Variants in LRIG2 observed in about 807,000 individuals in gnomAD.
LRIG2 encodes leucine rich repeats and immunoglobulin like domains 2, also known as leucine-rich repeats and immunoglobulin-like domains protein 2.
Under a neutral mutation model 107.8 loss-of-function variants are expected in LRIG2, and 93 were observed. The observed-to-expected ratio is 0.86, with a 90% confidence interval of 0.73 to 1.03. The LOEUF (loss-of-function observed/expected upper bound fraction) is 1.03, where lower values mean the gene tolerates loss of function less well. Ranked by LOEUF, LRIG2 falls within the 50% of genes least tolerant of loss-of-function variation. The pLI, the probability that LRIG2 is intolerant of heterozygous loss-of-function variation, is 0.00. For missense variants in LRIG2, 1,226 were observed against 1,296.0 expected (o/e 0.95, Z 0.83); for synonymous variants, 471 against 470.6 (o/e 1.00, Z -0.01).
rs1655642670 is a variant in LRIG2 at position 113,129,924 on chromosome 1, CCT to C, written c.*5824_*5825del. 6.6e-6 allele frequency: 1 copy of C among 152,052 alleles called. No individual in the cohort carries two copies. Among genetic ancestry groups the C allele is most frequent in the African/African-American group, 2.4e-5 (1 of 41,390 alleles). The allele number at this position is 152,052 out of a possible 1,614,324, so 9.4% of individuals were successfully genotyped here. A position where few individuals can be genotyped will look rare whatever the true frequency, so the allele number is the denominator to read the frequency against. ...TTTTTTTTTTGAGACAGGGTTTCAC[CCT>C]GTCAGCCAGGCTGGAGTGCAATGGT... On this transcript the variant is annotated 3_prime_UTR_variant, in exon 18 of 18. Coordinates refer to ENST00000361127, the MANE Select transcript of LRIG2 (RefSeq NM_014813.3).
At chr1:113,087,113 A>G (rs2101026351) in intron 1 of LRIG2, among the ~76,000 whole-genome samples, 1 of 152,330 alleles carries the variant, frequency 6.6e-6, no homozygotes, top group East Asian at 1.9e-4. Context: ...ACTGCATTTC[A>G]GCCTAGGCAA....
chr1:113,084,040 A>ATAATATTAT (rs539594494), intron 1 of LRIG2, among the ~76,000 whole-genome samples: 1 of 129,342 alleles, frequency 7.7e-6, no homozygotes, highest in Non-Finnish European at 1.7e-5. Flanking sequence ...AATAATAATA[A>ATAATATTAT]TATTGGCCTT....
At chr1:113,107,212 AC>A (rs1654576443) in intron 11 of LRIG2, among the ~76,000 whole-genome samples, 1 of 152,222 alleles carries the variant, frequency 6.6e-6, no homozygotes, top group South Asian at 2.1e-4. Context: ...CATCACCATT[AC>A]CACACCCAAA....
At chr1:113,107,842 A>G (rs1654603590) in intron 12 of LRIG2, 85 bp downstream of exon 12, 3 of 1,222,636 alleles carry the variant, frequency 2.5e-6, no homozygotes, top group African/African-American at 1.6e-5. Flanking sequence ...ATGGTTTTCC[A>G]CTAGGAATTT....
intron 15 of LRIG2, 36 bp downstream of exon 15, chr1:113,114,912 T>C: frequency 1.3e-6 from 2 of 1,497,812 alleles, no homozygotes; most frequent in Non-Finnish European, 1.8e-6. Context: ...TGGCTTGTAC[T>C]TCAGTCAAGA....
Position 113,099,151 on chromosome 1 carries a change from G to T in LRIG2, c.1172+366G>T, listed in dbSNP as rs112137239. 5.1e-3 allele frequency among the ~76,000 whole-genome samples: 780 copies of T among 151,860 alleles called. 10 individuals are homozygous for T. The highest frequency in any genetic ancestry group is 0.018 in the African/African-American group (732 of 41,398). On this transcript the variant is annotated intron_variant, in intron 9 of 17. Transcript: ENST00000361127. Reference sequence around the variant, plus strand: ...AGGGTTTCACCATCTTGGCCAGGCTGGTCTTGAACTCCTGACCTCGTGATC... The same window carrying T: ...AGGGTTTCACCATCTTGGCCAGGCTTGTCTTGAACTCCTGACCTCGTGATC...
intron 17 of LRIG2, among the ~76,000 whole-genome samples, chr1:113,122,348 A>G (rs553633939): frequency 5.9e-5 from 9 of 152,040 alleles, no homozygotes; most frequent in African/African-American, 2.2e-4. Flanking sequence ...CAGCCTCCCA[A>G]AGTGTTGGGA....
intron 2 of LRIG2, among the ~76,000 whole-genome samples, chr1:113,092,232 G>A (rs983820519): frequency 1.3e-5 from 2 of 152,184 alleles, no homozygotes; most frequent in South Asian, 4.1e-4. Flanking sequence ...TTTCCTGAAG[G>A]TCTTTACTTC....
chr1:113,121,260 A>C (rs1655241035), intron 17 of LRIG2, among the ~76,000 whole-genome samples: 1 of 152,238 alleles, frequency 6.6e-6, no homozygotes, highest in Non-Finnish European at 1.5e-5. Flanking sequence ...CCCCTGTCTC[A>C]CATGGCCCAG....
intron 1 of LRIG2, among the ~76,000 whole-genome samples, chr1:113,090,190 G>A (rs1653741279): frequency 6.6e-6 from 1 of 152,148 alleles, no homozygotes. Context: ...GTATTATTGA[G>A]TGAAAAAAGC....
At chr1:113,088,736 CTTAAA>C (rs1004487534) in intron 1 of LRIG2, among the ~76,000 whole-genome samples, 2 of 152,288 alleles carry the variant, frequency 1.3e-5, no homozygotes, top group Admixed American at 6.5e-5. Flanking sequence ...GAATATCTAA[CTTAAA>C]TTAAAACAGT....
intron 7 of LRIG2, 44 bp downstream of exon 7, chr1:113,096,061 G>A (rs1353283946): frequency 3.1e-6 from 5 of 1,611,714 alleles, no homozygotes; most frequent in Admixed American, 1.7e-5. Context: ...TAAGACTAGA[G>A]CAGATTGGAA....
In LRIG2 at chr1:113,073,367, C is replaced by A. The variant is rs762074347; in HGVS notation, c.-40C>A. 5.9e-6 allele frequency: 9 copies of A among 1,517,590 alleles called. No individual in the cohort carries two copies. The East Asian group carries it at 1.6e-4, about 27-fold the overall frequency. The allele number at this position is 1,517,590 out of a possible 1,614,324, so 94.0% of individuals were successfully genotyped here. ...TTCTCCGCCGATCCTCCTTTTCTAGCAGGCAGCTCTTCTAGGCCACGTCCA... is the reference window on the plus strand; with the variant it reads ...TTCTCCGCCGATCCTCCTTTTCTAGAAGGCAGCTCTTCTAGGCCACGTCCA... On this transcript the variant is annotated 5_prime_UTR_variant, in exon 1 of 18. Transcript: ENST00000361127.
In LRIG2 at chr1:113,107,623, A is replaced by G. The variant is rs759174385; in HGVS notation, c.1343A>G (p.Asp448Gly). Residue 448 changes from aspartate to glycine, a missense_variant, in exon 12 of 18, where the codon GAC (aspartate) becomes GGC (glycine). Coordinates refer to ENST00000361127, the MANE Select transcript of LRIG2 (RefSeq NM_014813.3). ...LILNTSSLLC[D>G]CHLKWLLQWL... ...CTGAACACAAGCAGTTTGCTCTGTG[A>G]CTGCCATTTGAAGTGGCTACTTCAA... The G allele has an allele frequency of 1.9e-6, 3 of 1,612,686 alleles. No homozygotes were observed. The Admixed American group carries it at 5.0e-5, about 27-fold the overall frequency.
intron 4 of LRIG2, among the ~76,000 whole-genome samples, chr1:113,093,779 TA>T (rs899819020): frequency 6.6e-6 from 1 of 151,956 alleles, no homozygotes; most frequent in African/African-American, 2.4e-5. Context: ...ATAATAATAA[TA>T]AATAAATAAA....
At position 113,114,822 on chromosome 1, in the gene LRIG2, A is replaced by G; in HGVS notation, c.2476A>G (p.Ile826Val). 2 of 1,613,978 alleles carry G rather than the reference A, an allele frequency of 1.2e-6. No homozygotes were observed. The highest frequency in any genetic ancestry group is 1.7e-6 in the Non-Finnish European group (2 of 1,180,026). Residue 826 changes from isoleucine (I) to valine (V), a missense_variant, in exon 15 of 18, where the codon ATT becomes GTT. By Grantham distance (29) the Ile-to-Val change is conservative. Coordinates refer to ENST00000361127, the MANE Select transcript of LRIG2 (RefSeq NM_014813.3). ...CVVGTSLIWVIVIYHMRRKNE... is the reference protein window; with the variant it reads ...CVVGTSLIWVVVIYHMRRKNE... ...TGTTGGCACTTCTTTGATCTGGGTC[A>G]TTGTTATTTACCACATGAGAAGGAA...
chr1:113,097,845 A>G (rs1654132877), intron 8 of LRIG2, among the ~76,000 whole-genome samples: 1 of 152,210 alleles, frequency 6.6e-6, no homozygotes, highest in Admixed American at 6.5e-5. Context: ...AAAATCCTGA[A>G]GAGTTGAGCC....
At chr1:113,123,806 T>C (rs1655370340) in intron 17 of LRIG2, 69 bp from the exon 18 acceptor site, 1 of 1,217,396 alleles carries the variant, frequency 8.2e-7, no homozygotes, top group African/African-American at 1.5e-5. Context: ...TTTATTTCTT[T>C]GAGGATTTGG....
chr1:113,103,125 C>T (rs1279473095), intron 11 of LRIG2: 1 of 152,072 alleles, frequency 6.6e-6, no homozygotes, highest in Non-Finnish European at 1.5e-5. Flanking sequence ...TCTCAATCTT[C>T]AGAGAGTCAT....
Sources: gnomAD v4.1 joint callset for allele counts (sites outside exome capture counted in the v4.1 genomes callset) on GRCh38, gnomAD v4.1.1 for gene constraint, MANE v1.5 for transcripts, NCBI Gene and HGNC (gene_info 2026-07-23, HGNC 2026-07-21) for gene names.